Variants in UBXN2A observed in about 807,000 individuals in gnomAD.
UBXN2A encodes the protein UBX domain protein 2A.
Under a neutral mutation model 28.4 loss-of-function variants are expected in UBXN2A, and 28 were observed. The ratio of observed to expected loss-of-function variants is 0.99; its 90% CI spans 0.73 to 1.35. The LOEUF (loss-of-function observed/expected upper bound fraction) is 1.35, where lower values mean the gene tolerates loss of function less well. UBXN2A is among the 40% of genes most tolerant of loss of function. The pLI is 0.00. For missense variants in UBXN2A, 253 were observed against 297.9 expected (o/e 0.85, Z 1.11); for synonymous variants, 97 against 103.6 (o/e 0.94, Z 0.39).
intron 2 of UBXN2A, among the ~76,000 whole-genome samples, chr2:23,967,675 TG>T (rs1707232721): frequency 6.6e-6 from 1 of 152,166 alleles, no homozygotes. Flanking sequence ...TTAGACAATA[TG>T]CTATACTGCT....
intron 6 of UBXN2A, among the ~76,000 whole-genome samples, chr2:23,989,064 A>T (rs1191126040): frequency 1.3e-5 from 2 of 152,136 alleles, no homozygotes; most frequent in African/African-American, 4.8e-5. Context: ...TCAGGATACC[A>T]CTGCTTCCAG....
intron 3 of UBXN2A, among the ~76,000 whole-genome samples, chr2:23,972,811 G>A (rs1017392262): frequency 6.6e-6 from 1 of 152,072 alleles, no homozygotes. Context: ...GACAGAGCTA[G>A]ACTTGGTCTC....
chr2:23,980,328 T>C (rs72781637), intron 4 of UBXN2A, among the ~76,000 whole-genome samples: 8,806 of 152,280 alleles, frequency 0.058, 338 homozygotes, highest in Middle Eastern at 0.12. Flanking sequence ...GTGGAATTGT[T>C]AACTCTTATA....
At chr2:23,962,147 A>C (rs537185195) in intron 2 of UBXN2A, among the ~76,000 whole-genome samples, 1 of 152,206 alleles carries the variant, frequency 6.6e-6, no homozygotes, top group East Asian at 1.9e-4. Flanking sequence ...CGCCCAGCCA[A>C]AAACTGCTTT....
At chr2:23,986,613 CTTT>C (rs1240438686) in intron 6 of UBXN2A, among the ~76,000 whole-genome samples, 6 of 137,778 alleles carry the variant, frequency 4.4e-5, no homozygotes, top group African/African-American at 5.3e-5. Flanking sequence ...TTCCTAAAAG[CTTT>C]TTTTTTTTTT....
chr2:23,970,894 A>C (rs1407624286), intron 2 of UBXN2A, among the ~76,000 whole-genome samples: 1 of 152,112 alleles, frequency 6.6e-6, no homozygotes. Context: ...GACAGAGCTC[A>C]GGTGGTAATG....
chr2:23,948,532 C>T (rs927261589), intron 1 of UBXN2A, among the ~76,000 whole-genome samples: 1 of 152,106 alleles, frequency 6.6e-6, no homozygotes, highest in African/African-American at 2.4e-5. Flanking sequence ...GGATTACAGG[C>T]GTGAGCTTGA....
chr2:23,962,939 C>T (rs1312150025), intron 2 of UBXN2A, among the ~76,000 whole-genome samples: 6 of 152,132 alleles, frequency 3.9e-5, no homozygotes, highest in Admixed American at 1.3e-4. Context: ...CTTACAGTTC[C>T]GCATGGCTGG....
chr2:23,936,628 G>A (rs1024393600), upstream of UBXN2A, among the ~76,000 whole-genome samples: 1 of 151,238 alleles, frequency 6.6e-6, no homozygotes, highest in Non-Finnish European at 1.5e-5. Flanking sequence ...CAAAGAAAAA[G>A]AAAAACATAC....
rs1334688502 is a variant in UBXN2A at position 23,977,103 on chromosome 2, C to T, written c.287+28C>T. On this transcript the variant is annotated intron_variant, in intron 4 of 6. Coordinates refer to ENST00000309033, the MANE Select transcript of UBXN2A (RefSeq NM_181713.4). ...GAGTAGCCAGGTGTGGTAGGTCAAG[C>T]CTGTAAACCCAAAACTTTGGCAGGC... is the stretch of plus-strand genomic sequence containing the variant. 3 of 1,575,198 alleles carry T rather than the reference C, an allele frequency of 1.9e-6. No individual in the cohort carries two copies. The Admixed American group carries it at 5.1e-5, about 27-fold the overall frequency.
intron 6 of UBXN2A, among the ~76,000 whole-genome samples, chr2:23,996,255 AC>A (rs1316071453): frequency 6.6e-6 from 1 of 150,424 alleles, no homozygotes; most frequent in Non-Finnish European, 1.5e-5. Context: ...TTTAGTAGAA[AC>A]AGTGTTCACC....
At chr2:23,982,204 CAAAAAAAA>C (rs145235779) in intron 4 of UBXN2A, among the ~76,000 whole-genome samples, 1 of 141,494 alleles carries the variant, frequency 7.1e-6, no homozygotes. Flanking sequence ...CTAAAAATAC[CAAAAAAAA>C]AAAAATTAAC....
At chr2:23,928,057 T>G (rs1003299372) in intron 1 of UBXN2A, among the ~76,000 whole-genome samples, 4 of 151,338 alleles carry the variant, frequency 2.6e-5, no homozygotes, top group East Asian at 2.0e-4. Flanking sequence ...GCACCTGTAA[T>G]CCCAGCTGCT....
At chr2:23,988,636 G>A (rs529727601) in intron 6 of UBXN2A, among the ~76,000 whole-genome samples, 35 of 152,252 alleles carry the variant, frequency 2.3e-4, no homozygotes, top group African/African-American at 7.5e-4. Flanking sequence ...TTAAAGTGGT[G>A]TCTACCAGAG....
chr2:23,994,389 C>T (rs1708456431), intron 6 of UBXN2A, among the ~76,000 whole-genome samples: 1 of 152,066 alleles, frequency 6.6e-6, no homozygotes, highest in South Asian at 2.1e-4. Flanking sequence ...GAAATGTTCT[C>T]GTATTTTATT....
At chr2:23,948,588 G>C (rs992738587) in intron 1 of UBXN2A, among the ~76,000 whole-genome samples, 1 of 152,012 alleles carries the variant, frequency 6.6e-6, no homozygotes, top group African/African-American at 2.4e-5. Flanking sequence ...TGGGGGATGA[G>C]GAAAGAAAAA....
chr2:23,931,634 A>G (rs1705370948), intron 1 of UBXN2A, among the ~76,000 whole-genome samples: 1 of 152,230 alleles, frequency 6.6e-6, no homozygotes, highest in African/African-American at 2.4e-5. Context: ...GCAGGAACCC[A>G]GAACAAGTAA....
At chr2:23,981,384 G>A (rs1178708334) in intron 4 of UBXN2A, among the ~76,000 whole-genome samples, 1 of 145,510 alleles carries the variant, frequency 6.9e-6, no homozygotes, top group African/African-American at 2.5e-5. Context: ...AAGCTAAGAT[G>A]GGAGAATCGC....
chr2:23,985,668 A>C (rs1270794106), intron 6 of UBXN2A, among the ~76,000 whole-genome samples: 5 of 148,356 alleles, frequency 3.4e-5, no homozygotes, highest in Admixed American at 1.4e-4. Flanking sequence ...GGCGCGAGCC[A>C]CCGTGCCCAG....
Sources: gnomAD v4.1 joint callset for allele counts (sites outside exome capture counted in the v4.1 genomes callset) on GRCh38, gnomAD v4.1.1 for gene constraint, MANE v1.5 for transcripts, NCBI Gene and HGNC (gene_info 2026-07-23, HGNC 2026-07-21) for gene names.